EFHD1: variants seen among roughly 807,000 people sequenced by gnomAD.
EFHD1 encodes EF-hand domain family member D1.
Under a neutral mutation model 17.2 loss-of-function variants are expected in EFHD1, and 10 were observed. That is an observed-to-expected ratio of 0.58 (90% CI 0.36 to 0.99). The LOEUF (loss-of-function observed/expected upper bound fraction) is 0.99, where lower values mean the gene tolerates loss of function less well. Ranked by LOEUF, EFHD1 falls within the 50% of genes least tolerant of loss-of-function variation. EFHD1 has a pLI of 0.01. For missense variants in EFHD1, 310 were observed against 327.5 expected (o/e 0.95, Z 0.41); for synonymous variants, 153 against 142.0 (o/e 1.08, Z -0.55).
intron 1 of EFHD1, among the ~76,000 whole-genome samples, chr2:232,650,873 C>T (rs1349461141): frequency 6.6e-6 from 1 of 151,930 alleles, no homozygotes; most frequent in Admixed American, 6.6e-5. Context: ...CTGGTCTATT[C>T]TGGATTGCCT....
chr2:232,658,809 C>T (rs112546921), intron 1 of EFHD1, among the ~76,000 whole-genome samples: 3 of 151,992 alleles, frequency 2.0e-5, no homozygotes, highest in African/African-American at 2.4e-5. Context: ...GTGAGGCAAA[C>T]GTTCTGGAAT....
chr2:232,655,852 G>T (rs982001549), intron 1 of EFHD1, among the ~76,000 whole-genome samples: 6 of 148,652 alleles, frequency 4.0e-5, no homozygotes, highest in Non-Finnish European at 7.4e-5. Context: ...TGTCACCCAG[G>T]CTGGAGTGCA....
At chr2:232,612,197 G>T (rs573071152) in intron 1 of EFHD1, among the ~76,000 whole-genome samples, 1 of 152,120 alleles carries the variant, frequency 6.6e-6, no homozygotes, top group South Asian at 2.1e-4. Context: ...CCTAATTTCT[G>T]AGCAATACCC....
intron 3 of EFHD1, among the ~76,000 whole-genome samples, chr2:232,673,363 T>C (rs989974362): frequency 2.6e-5 from 4 of 152,178 alleles, no homozygotes; most frequent in South Asian, 4.1e-4. Flanking sequence ...ACTCCACTGC[T>C]CCAGTGCAAG....
At position 232,626,423 on chromosome 2, in the gene EFHD1, C is replaced by T. The variant is rs146001287; in HGVS notation, c.14+20250C>T. 2.4e-3 allele frequency among the ~76,000 whole-genome samples: 369 copies of T among 151,900 alleles called. 4 individuals carry two copies. The highest frequency in any genetic ancestry group is 8.4e-3 in the African/African-American group (347 of 41,408). On this transcript the variant is annotated intron_variant, in intron 1 of 3. Coordinates refer to the EFHD1 transcript ENST00000409613. Reference sequence around the variant, plus strand: ...ATTAGCTGGGCGTGGTGGTGCATGCCTATAATCCCAGCTACTCTGGAAGCT... The same window carrying T: ...ATTAGCTGGGCGTGGTGGTGCATGCTTATAATCCCAGCTACTCTGGAAGCT...
intron 1 of EFHD1, among the ~76,000 whole-genome samples, chr2:232,611,141 G>A (rs891980062): frequency 1.3e-5 from 2 of 152,120 alleles, no homozygotes; most frequent in African/African-American, 4.8e-5. Flanking sequence ...TTGTATTACT[G>A]CATTCTGGCC....
intron 1 of EFHD1, among the ~76,000 whole-genome samples, chr2:232,622,077 C>T (rs1411705265): frequency 6.6e-6 from 1 of 152,224 alleles, no homozygotes; most frequent in Non-Finnish European, 1.5e-5. Flanking sequence ...ACGAGGCAAA[C>T]CTTTGAACTT....
chr2:232,644,502 C>CT (rs1360621425), intron 1 of EFHD1, among the ~76,000 whole-genome samples: 1 of 150,960 alleles, frequency 6.6e-6, no homozygotes, highest in East Asian at 1.9e-4. Context: ...GTTTTCTTTT[C>CT]TTTTTTTTCA....
chr2:232,663,246 A>G (rs1694908145), intron 2 of EFHD1, among the ~76,000 whole-genome samples: 1 of 152,018 alleles, frequency 6.6e-6, no homozygotes, highest in South Asian at 2.1e-4. Context: ...TGCTTTTATA[A>G]TGTTATGCTT....
chr2:232,618,856 C>T lies in EFHD1; in HGVS notation c.14+12683C>T, dbSNP rs546353382. ...TATAATTATTTTGGTATGAAGTAAC[C>T]GGATTGGCTAGGCGTGGTGGCTCAT... On this transcript the variant is annotated intron_variant, in intron 1 of 3. Transcript: ENST00000409613. Among the ~76,000 whole-genome samples, 48 of 151,788 alleles carry T rather than the reference C, an allele frequency of 3.2e-4. 1 individual carries two copies. The highest frequency in any genetic ancestry group is 1.1e-3 in the African/African-American group (47 of 41,388).
intron 1 of EFHD1, among the ~76,000 whole-genome samples, chr2:232,618,269 C>T (rs188342786): frequency 1.3e-5 from 2 of 152,160 alleles, no homozygotes; most frequent in East Asian, 2.0e-4. Flanking sequence ...ATCCACCTGC[C>T]TTGGCCTCCC....
chr2:232,672,176 A>G, intron 2 of EFHD1, 133 bp from the exon 3 acceptor site: 1 of 1,267,224 alleles, frequency 7.9e-7, no homozygotes, highest in Non-Finnish European at 1.1e-6. Flanking sequence ...TGAGGGAAAA[A>G]AGTAATTTGC....
At chr2:232,629,774 A>G (rs1266688824), upstream of EFHD1, among the ~76,000 whole-genome samples, 1 of 152,104 alleles carries the variant, frequency 6.6e-6, no homozygotes, top group Non-Finnish European at 1.5e-5. Context: ...CGGCCAAAAA[A>G]AAATGAGAAT....
chr2:232,654,858 G>A (rs1694731148), intron 1 of EFHD1, among the ~76,000 whole-genome samples: 1 of 152,174 alleles, frequency 6.6e-6, no homozygotes, highest in Admixed American at 6.5e-5. Context: ...CCGTCTCCCT[G>A]GTGCTTCCTC....
chr2:232,663,351 G>A (rs1694910096), intron 2 of EFHD1, among the ~76,000 whole-genome samples: 3 of 151,590 alleles, frequency 2.0e-5, no homozygotes, highest in African/African-American at 7.3e-5. Flanking sequence ...TATTTATGGG[G>A]GACATGTGAT....
chr2:232,609,351 GC>G (rs1693773149), intron 1 of EFHD1, among the ~76,000 whole-genome samples: 1 of 152,162 alleles, frequency 6.6e-6, no homozygotes, highest in African/African-American at 2.4e-5. Context: ...ATGAGCCACT[GC>G]ACCCAGCCAA....
intron 3 of EFHD1, among the ~76,000 whole-genome samples, chr2:232,680,920 A>G (rs1375766636): frequency 6.6e-6 from 1 of 152,106 alleles, no homozygotes; most frequent in Non-Finnish European, 1.5e-5. Flanking sequence ...TAATCCCAGC[A>G]CTTTGGGAGG....
At chr2:232,649,237 T>C (rs901144703) in intron 1 of EFHD1, among the ~76,000 whole-genome samples, 57 of 152,238 alleles carry the variant, frequency 3.7e-4, no homozygotes, top group African/African-American at 1.3e-3. Flanking sequence ...GGGGTCGGAG[T>C]CACCTCGGGC....
intron 2 of EFHD1, among the ~76,000 whole-genome samples, chr2:232,671,699 C>T (rs1333511755): frequency 6.6e-6 from 1 of 151,572 alleles, no homozygotes; most frequent in Non-Finnish European, 1.5e-5. Context: ...TGCACTCCAG[C>T]CTGGGCAACA....
Sources: allele counts gnomAD v4.1 joint callset (sites outside exome capture counted in the v4.1 genomes callset), GRCh38; gene constraint gnomAD v4.1.1; transcripts MANE v1.5; gene names NCBI Gene and HGNC (gene_info 2026-07-23, HGNC 2026-07-21).